EFNA5: variants seen among roughly 807,000 people sequenced by gnomAD.
The protein encoded by EFNA5 is ephrin-A5.
Under a neutral mutation model 22.9 loss-of-function variants are expected in EFNA5, and 5 were observed. That is an observed-to-expected ratio of 0.22 (90% CI 0.11 to 0.46). The LOEUF is 0.46. Among genes scored for constraint, EFNA5 ranks in the 20% least tolerant of loss-of-function variants. The pLI, the probability that EFNA5 is intolerant of heterozygous loss-of-function variation, is 0.99. For synonymous variants in EFNA5, 113 were observed against 112.2 expected, an observed-to-expected ratio of 1.01 and a Z score of -0.04; for missense variants, 237 against 293.3, an observed-to-expected ratio of 0.81 and a Z score of 1.40.
chr5:107,387,184 C>T, intron 4 of EFNA5, 51 bp downstream of exon 4: 2 of 1,299,396 alleles, frequency 1.5e-6, no homozygotes, highest in Non-Finnish European at 1.1e-6. Flanking sequence ...AATACGGAAG[C>T]ACCAGAGAAA....
intron 1 of EFNA5, among the ~76,000 whole-genome samples, chr5:107,579,983 T>C (rs1429054212): frequency 1.3e-5 from 2 of 152,230 alleles, no homozygotes; most frequent in Admixed American, 1.3e-4. Flanking sequence ...CAGTCATCCA[T>C]AGCATTTCCT....
chr5:107,387,819 A>C, intron 2 of EFNA5, 48 bp from the exon 3 acceptor site: 1 of 1,266,430 alleles, frequency 7.9e-7, no homozygotes, highest in Non-Finnish European at 1.1e-6. Context: ...GAGAACAACA[A>C]CATATTACTC....
intron 1 of EFNA5, among the ~76,000 whole-genome samples, chr5:107,446,020 G>A (rs147541858): frequency 1.4e-3 from 219 of 152,314 alleles, no homozygotes; most frequent in Non-Finnish European, 2.2e-3. Flanking sequence ...ATACACAGTT[G>A]TCTGCCTATC....
intron 1 of EFNA5, among the ~76,000 whole-genome samples, chr5:107,592,001 TATATA>T (rs1303298655): frequency 0.033 from 1,573 of 47,346 alleles, 48 homozygotes; most frequent in Non-Finnish European, 0.038. Context: ...ATATATATAA[TATATA>T]ATATATATAA....
At chr5:107,445,869 C>A (rs562317408) in intron 1 of EFNA5, among the ~76,000 whole-genome samples, 1 of 152,160 alleles carries the variant, frequency 6.6e-6, no homozygotes, top group Non-Finnish European at 1.5e-5. Flanking sequence ...TGGTAGTTAT[C>A]GAGTAAATCA....
intron 1 of EFNA5, among the ~76,000 whole-genome samples, chr5:107,499,090 C>A (rs1023432177): frequency 6.6e-6 from 1 of 151,988 alleles, no homozygotes; most frequent in African/African-American, 2.4e-5. Context: ...TTATCATAAC[C>A]AAATAGCAAG....
intron 1 of EFNA5, among the ~76,000 whole-genome samples, chr5:107,627,512 T>C (rs1257164110): frequency 6.6e-6 from 1 of 152,098 alleles, no homozygotes; most frequent in Non-Finnish European, 1.5e-5. Flanking sequence ...GGCACGGGCC[T>C]GTAGTCCCAG....
intron 1 of EFNA5, among the ~76,000 whole-genome samples, chr5:107,569,991 G>T (rs1748760996): frequency 6.6e-6 from 1 of 152,018 alleles, no homozygotes; most frequent in Admixed American, 6.6e-5. Flanking sequence ...AAAAAAAGTA[G>T]GCCAGAATTA....
chr5:107,662,351 T>C (rs1271017094), intron 1 of EFNA5, among the ~76,000 whole-genome samples: 1 of 152,218 alleles, frequency 6.6e-6, no homozygotes, highest in African/African-American at 2.4e-5. Flanking sequence ...TGTGCCCAGC[T>C]TAATCAGGCT....
At chr5:107,564,405 AT>A (rs1205224307) in intron 1 of EFNA5, among the ~76,000 whole-genome samples, 1 of 152,126 alleles carries the variant, frequency 6.6e-6, no homozygotes, top group Non-Finnish European at 1.5e-5. Context: ...CATATACAGC[AT>A]TTGGTATGTG....
chr5:107,573,339 C>G (rs878967752), intron 1 of EFNA5, among the ~76,000 whole-genome samples: 3 of 151,942 alleles, frequency 2.0e-5, no homozygotes, highest in African/African-American at 7.3e-5. Flanking sequence ...CATATGAAAC[C>G]AGGGGGTAAG....
At chr5:107,484,800 A>AT (rs5870263) in intron 1 of EFNA5, among the ~76,000 whole-genome samples, 43,590 of 147,722 alleles carry the variant, frequency 0.3, 6,572 homozygotes, top group East Asian at 0.5. Context: ...ATGATTTTGT[A>AT]TTTTTTTTTT....
intron 1 of EFNA5, among the ~76,000 whole-genome samples, chr5:107,529,391 A>G (rs1747763876): frequency 6.6e-6 from 1 of 152,120 alleles, no homozygotes; most frequent in South Asian, 2.1e-4. Context: ...CTGCCACCGT[A>G]GCCCAAAAAA....
At chr5:107,491,302 C>CCCTCCCTCCCTCCTT (rs1368705043) in intron 1 of EFNA5, among the ~76,000 whole-genome samples, 13 of 152,004 alleles carry the variant, frequency 8.6e-5, no homozygotes, top group South Asian at 2.1e-4. Flanking sequence ...TACAGACGGC[C>CCCTCCCTCCCTCCTT]CCTCCCTCCC....
chr5:107,600,331 C>T (rs1253748538), intron 1 of EFNA5, among the ~76,000 whole-genome samples: 1 of 152,072 alleles, frequency 6.6e-6, no homozygotes, highest in Non-Finnish European at 1.5e-5. Flanking sequence ...TACTCTTGGA[C>T]GATGATCAGT....
At chr5:107,523,258 G>A (rs1158248451) in intron 1 of EFNA5, among the ~76,000 whole-genome samples, 1 of 151,656 alleles carries the variant, frequency 6.6e-6, no homozygotes, top group Non-Finnish European at 1.5e-5. Flanking sequence ...AAATAGCCAT[G>A]ATATCATTCA....
rs189427925 is a variant in EFNA5 at position 107,537,475 on chromosome 5, T to A, written c.126-109966A>T. Among the ~76,000 whole-genome samples, 537 of 152,290 alleles carry A rather than the reference T, an allele frequency of 3.5e-3. 9 individuals carry two copies. Among genetic ancestry groups the A allele is most frequent in the East Asian group, 0.022 (115 of 5,182 alleles). On this transcript the variant is annotated intron_variant, in intron 1 of 4. Coordinates refer to ENST00000333274, the MANE Select transcript of EFNA5 (RefSeq NM_001962.3). ...TTAGCTGGGTGTGGTGGCGGCTGCC[T>A]GTAATCCCAGCTACTTGGGAAGCTG...
chr5:107,583,045 G>A (rs1749102515), intron 1 of EFNA5, among the ~76,000 whole-genome samples: 1 of 152,066 alleles, frequency 6.6e-6, no homozygotes, highest in Non-Finnish European at 1.5e-5. Context: ...CAACAACAAG[G>A]TCATGTATAC....
intron 1 of EFNA5, among the ~76,000 whole-genome samples, chr5:107,529,665 G>A (rs1224575309): frequency 6.6e-6 from 1 of 152,172 alleles, no homozygotes; most frequent in African/African-American, 2.4e-5. Context: ...TTTGTTTTGT[G>A]CTGAAGCTAT....
Sources: allele counts gnomAD v4.1 joint callset (sites outside exome capture counted in the v4.1 genomes callset), GRCh38; gene constraint gnomAD v4.1.1; transcripts MANE v1.5; gene names NCBI Gene and HGNC (gene_info 2026-07-23, HGNC 2026-07-21).